Variants in ZCCHC4 observed in about 807,000 individuals in gnomAD.
The protein encoded by ZCCHC4 is zinc finger CCHC-type containing 4, also known as rRNA N(6)-adenosine-methyltransferase ZCCHC4.
Under a neutral mutation model 67.7 loss-of-function variants are expected in ZCCHC4, and 54 were observed. The ratio of observed to expected loss-of-function variants is 0.80; its 90% confidence interval spans 0.64 to 1.00. The LOEUF (loss-of-function observed/expected upper bound fraction) is 1.00. Ranked by LOEUF, ZCCHC4 falls within the 50% of genes least tolerant of loss-of-function variation. The probability of loss-of-function intolerance (pLI) is 0.00; values close to 1 mark genes in which losing one functional copy is unlikely to be tolerated. For missense variants in ZCCHC4, 609 were observed against 617.0 expected, an observed-to-expected ratio of 0.99 and a Z score of 0.14; for synonymous variants, 198 against 213.5, an observed-to-expected ratio of 0.93 and a Z score of 0.63.
At chr4:25,317,592 T>C (rs922649469) in intron 3 of ZCCHC4, among the ~76,000 whole-genome samples, 1 of 149,116 alleles carries the variant, frequency 6.7e-6, no homozygotes, top group Admixed American at 6.8e-5. Flanking sequence ...GCGCCTATAA[T>C]CCCAGTTACT....
chr4:25,334,237 T>C (rs964945266), intron 5 of ZCCHC4, among the ~76,000 whole-genome samples: 2 of 152,232 alleles, frequency 1.3e-5, no homozygotes, highest in South Asian at 2.1e-4. Flanking sequence ...AGTTCGTCTT[T>C]GGCTTATAAT....
chr4:25,364,549 T>G (rs778619491), intron 11 of ZCCHC4, 44 bp downstream of exon 11: 17 of 1,471,718 alleles, frequency 1.2e-5, no homozygotes, highest in Non-Finnish European at 1.5e-5. Flanking sequence ...GAACATATTT[T>G]AGAGTTTTTC....
intron 8 of ZCCHC4, 188 bp from the exon 9 acceptor site, chr4:25,361,671 T>C: frequency 1.7e-6 from 1 of 581,286 alleles, no homozygotes; most frequent in Non-Finnish European, 3.0e-6. Flanking sequence ...CCTTGAGTGT[T>C]ATTCCAGCTA....
At chr4:25,324,099 C>T (rs1718734453) in intron 3 of ZCCHC4, among the ~76,000 whole-genome samples, 1 of 138,158 alleles carries the variant, frequency 7.2e-6, no homozygotes, top group African/African-American at 2.8e-5. Context: ...GCAATCTCCA[C>T]CTCCCAGGTT....
At chr4:25,321,878 A>C (rs1489355758) in intron 3 of ZCCHC4, among the ~76,000 whole-genome samples, 1 of 152,154 alleles carries the variant, frequency 6.6e-6, no homozygotes, top group Non-Finnish European at 1.5e-5. Flanking sequence ...TGGCTGACTG[A>C]AAGTACATGA....
chr4:25,361,714 T>A, intron 8 of ZCCHC4, 145 bp from the exon 9 acceptor site: 1 of 800,312 alleles, frequency 1.2e-6, no homozygotes, highest in East Asian at 2.8e-5. Flanking sequence ...CCCTCAGTCC[T>A]CAGCTTGGAC....
At chr4:25,319,258 G>A (rs1200333967) in intron 3 of ZCCHC4, among the ~76,000 whole-genome samples, 3 of 152,206 alleles carry the variant, frequency 2.0e-5, no homozygotes, top group African/African-American at 4.8e-5. Flanking sequence ...GGTGGCGGGC[G>A]CCTGTAGTCC....
chr4:25,323,777 T>C (rs568156124), intron 3 of ZCCHC4, among the ~76,000 whole-genome samples: 27 of 152,230 alleles, frequency 1.8e-4, no homozygotes, highest in South Asian at 8.3e-4. Flanking sequence ...ATTGCACATA[T>C]TTAAAATGTA....
intron 3 of ZCCHC4, among the ~76,000 whole-genome samples, chr4:25,324,349 T>C (rs1359248243): frequency 6.6e-6 from 1 of 152,098 alleles, no homozygotes; most frequent in Non-Finnish European, 1.5e-5. Flanking sequence ...GGTGCATTCA[T>C]TTATTTAGCA....
Position 25,357,039 on chromosome 4 carries a change from A to G in ZCCHC4, c.1012-4820A>G, listed in dbSNP as rs74323918. On this transcript the variant is annotated intron_variant, in intron 8 of 12. Coordinates refer to ENST00000302874, the MANE Select transcript of ZCCHC4 (RefSeq NM_024936.3). ...GGACTACAGCCTTAGAAAGCAATGC[A>G]ATTTATTTAATAGCTCTAATCGTTA... Among the ~76,000 whole-genome samples, 479 of 152,336 alleles carry G rather than the reference A, an allele frequency of 3.1e-3. 3 individuals are homozygous for G. The highest frequency in any genetic ancestry group is 0.011 in the African/African-American group (463 of 41,582).
intron 7 of ZCCHC4, among the ~76,000 whole-genome samples, chr4:25,350,065 G>A (rs1720216012): frequency 1.3e-5 from 2 of 152,062 alleles, no homozygotes; most frequent in African/African-American, 4.8e-5. Flanking sequence ...AGAACACTAA[G>A]AGGGCACTCA....
rs71188998 is a variant in ZCCHC4 at position 25,324,014 on chromosome 4, G to GT, written c.329+8630dup. On this transcript the variant is annotated intron_variant, in intron 3 of 12. Coordinates refer to ENST00000302874, the MANE Select transcript of ZCCHC4 (RefSeq NM_024936.3). ...TCGTACAGTATGTACTGTTTTTTGTGTTTTTTTTTTTTTTTTGAGACAGAG... is the reference window on the plus strand; with the variant it reads ...TCGTACAGTATGTACTGTTTTTTGTGTTTTTTTTTTTTTTTTTGAGACAGAG... Among the ~76,000 whole-genome samples, 72 of 82,428 alleles carry GT rather than the reference G, an allele frequency of 8.7e-4. 6 individuals carry two copies. The highest frequency in any genetic ancestry group is 2.8e-3 in the East Asian group (8 of 2,810). 54.1% of individuals were successfully genotyped at this position (82,428 alleles called of 152,430 possible).
At chr4:25,348,254 G>A (rs1385577834) in intron 6 of ZCCHC4, among the ~76,000 whole-genome samples, 2 of 152,190 alleles carry the variant, frequency 1.3e-5, no homozygotes, top group African/African-American at 4.8e-5. Context: ...CTCTCCTAGG[G>A]AGAAAGGTTT....
chr4:25,328,015 G>A (rs1718981293), intron 3 of ZCCHC4, among the ~76,000 whole-genome samples: 1 of 152,092 alleles, frequency 6.6e-6, no homozygotes, highest in Admixed American at 6.5e-5. Flanking sequence ...TTTTGAGTTT[G>A]TGTTCATAAG....
At chr4:25,325,289 C>T (rs1334127862) in intron 3 of ZCCHC4, among the ~76,000 whole-genome samples, 10 of 141,132 alleles carry the variant, frequency 7.1e-5, no homozygotes, top group African/African-American at 2.3e-4. Flanking sequence ...ATTCTTGGGT[C>T]GTCTTTTCAC....
At chr4:25,351,560 A>G (rs1164836224) in intron 7 of ZCCHC4, 29 bp from the exon 8 acceptor site, 1 of 1,465,624 alleles carries the variant, frequency 6.8e-7, no homozygotes, top group Non-Finnish European at 9.4e-7. Context: ...TTAATTTACT[A>G]TTATTTTTTC....
chr4:25,366,794 CTA>C (rs927848183), intron 12 of ZCCHC4, among the ~76,000 whole-genome samples: 6 of 152,102 alleles, frequency 3.9e-5, no homozygotes, highest in African/African-American at 1.4e-4. Flanking sequence ...TTTTGATACT[CTA>C]TTGTAGGCCC....
At chr4:25,333,111 A>G in intron 3 of ZCCHC4, 72 bp from the exon 4 acceptor site, 1 of 1,489,458 alleles carries the variant, frequency 6.7e-7, no homozygotes, top group South Asian at 1.3e-5. Flanking sequence ...GGATGCTAAA[A>G]ATAGCAAAAC....
At chr4:25,349,219 T>C (rs890645399) in intron 6 of ZCCHC4, among the ~76,000 whole-genome samples, 2 of 152,208 alleles carry the variant, frequency 1.3e-5, no homozygotes, top group African/African-American at 4.8e-5. Flanking sequence ...AAATTTAGCC[T>C]TTTAATTTAA....
Sources: gnomAD v4.1 joint callset for allele counts (sites outside exome capture counted in the v4.1 genomes callset) on GRCh38, gnomAD v4.1.1 for gene constraint, MANE v1.5 for transcripts, NCBI Gene and HGNC (gene_info 2026-07-23, HGNC 2026-07-21) for gene names.